Variants in SPOUT1 observed in about 807,000 individuals in gnomAD.
The protein encoded by SPOUT1 is SPOUT domain containing methyltransferase 1.
In SPOUT1, 40 loss-of-function variants were observed where a neutral mutation model predicts 54.8. The observed-to-expected ratio is 0.73, with a 90% CI of 0.57 to 0.95. SPOUT1 has a LOEUF of 0.95. SPOUT1 is among the 40% of genes least tolerant of loss of function. The pLI, the probability that SPOUT1 is intolerant of heterozygous loss-of-function variation, is 0.00. For missense variants in SPOUT1, 437 were observed against 499.5 expected, an observed-to-expected ratio of 0.87 and a Z score of 1.19; for synonymous variants, 193 against 200.3, an observed-to-expected ratio of 0.96 and a Z score of 0.31.
rs938126509 is a variant in SPOUT1, at chr9:128,820,296, A to C, written c.*2469T>G. 4.4e-5 allele frequency: 7 copies of C among 158,190 alleles called. No homozygotes were observed. Among genetic ancestry groups the C allele is most frequent in the Admixed American group, 4.3e-4 (7 of 16,164 alleles). 9.8% of individuals were successfully genotyped at this position (158,190 alleles called of 1,614,324 possible). A position where few individuals can be genotyped will look rare whatever the true frequency, so the allele number is the denominator to read the frequency against. On this transcript the variant is annotated 3_prime_UTR_variant, in exon 12 of 12. Transcript: ENST00000361256. ...CTTCTGGGAAGACAGCCCCCTATCCACTTTCCATTGTCCCAGGCCTGGAGA... is the reference window on the plus strand; with the variant it reads ...CTTCTGGGAAGACAGCCCCCTATCCCCTTTCCATTGTCCCAGGCCTGGAGA...
In SPOUT1 at chr9:128,829,147, G is replaced by A. The variant is rs754536013; in HGVS notation, c.45C>T (p.His15=). 3 of 1,613,686 alleles carry A rather than the reference G, an allele frequency of 1.9e-6. No individual in the cohort carries two copies. Among genetic ancestry groups the A allele is most frequent in the Non-Finnish European group, 2.5e-6 (3 of 1,179,680 alleles). The change falls in exon 2 of 12, where the codon CAC becomes CAT. Residue 15 remains histidine, a synonymous_variant. Coordinates refer to ENST00000361256, the MANE Select transcript of SPOUT1 (RefSeq NM_016390.4). ...GRKRPCGPGE[H]GQRIEWRKWK... is the part of the protein sequence containing the mutation. ...ATTTTCGCCACTCAATCCTTTGGCC[G>A]TGTTCACCCTGGAGAAGGAGTGGTA...
chr9:128,821,148 T>G lies in SPOUT1; in HGVS notation c.*1617A>C, dbSNP rs1830105561. On this transcript the variant is annotated 3_prime_UTR_variant, in exon 12 of 12. Transcript: ENST00000361256. ...TGCCCACCCAATCTTGTTCTGCCAA[T>G]ATGGAACCCCCCGCAGGTCTGCAGT... The G allele has an allele frequency of 2.3e-6, 1 of 430,620 alleles. No individual in the cohort carries two copies. Among genetic ancestry groups the G allele is most frequent in the Non-Finnish European group, 4.3e-6 (1 of 232,512 alleles). The allele number at this position is 430,620 out of a possible 1,614,324, so 26.7% of individuals were successfully genotyped here.
Position 128,822,334 on chromosome 9 carries a change from G to A in SPOUT1, c.*431C>T, listed in dbSNP as rs1830136163. On this transcript the variant is annotated 3_prime_UTR_variant, in exon 12 of 12. Transcript: ENST00000361256. ...TGCCTGGGTCTGCCCACAGGACAGA[G>A]GCTGATGGGAAATCCTACGTAAAGT... The A allele has an allele frequency of 6.2e-7, 1 of 1,613,364 alleles. No individual in the cohort carries two copies.
chr9:128,829,012 AGGACCC>A (rs1261392435), intron 2 of SPOUT1, 92 bp downstream of exon 2: 1 of 1,495,216 alleles, frequency 6.7e-7, no homozygotes, highest in Non-Finnish European at 9.3e-7. Context: ...TGTGTGCTGC[AGGACCC>A]AGAGGGAACA....
In SPOUT1 at chr9:128,820,939, G is replaced by A. The variant is rs1227108045; in HGVS notation, c.*1826C>T. 6.9e-5 allele frequency: 79 copies of A among 1,145,752 alleles called. 1 individual carries two copies. The Admixed American group carries it at 1.3e-3, about 19-fold the overall frequency. The allele number at this position is 1,145,752 out of a possible 1,614,324, so 71.0% of individuals were successfully genotyped here. A position where few individuals can be genotyped will look rare whatever the true frequency, so the allele number is the denominator to read the frequency against. On this transcript the variant is annotated 3_prime_UTR_variant, in exon 12 of 12. Coordinates refer to ENST00000361256, the MANE Select transcript of SPOUT1 (RefSeq NM_016390.4). ...GGGCCAGGCTTGCCCCAGGCTCTGG[G>A]TCAATACCAGTTCCCTACTCATCTG... is the stretch of plus-strand genomic sequence containing the variant.
chr9:128,825,943 T>C, intron 7 of SPOUT1, 79 bp downstream of exon 7: 2 of 1,591,618 alleles, frequency 1.3e-6, no homozygotes, highest in African/African-American at 2.7e-5. Flanking sequence ...TCCAGGGCTC[T>C]CCGCAACATC....
At chr9:128,823,139 G>A (rs1388811806) in intron 11 of SPOUT1, among the ~76,000 whole-genome samples, 1 of 152,198 alleles carries the variant, frequency 6.6e-6, no homozygotes, top group Non-Finnish European at 1.5e-5. Flanking sequence ...GCAGGGGTTG[G>A]AAGGGTGGCA....
rs970485761 is a variant in SPOUT1, at chr9:128,822,067, C to T, written c.*698G>A. 8 of 534,190 alleles carry T rather than the reference C, an allele frequency of 1.5e-5. No homozygotes were observed. The highest frequency in any genetic ancestry group is 5.7e-5 in the African/African-American group (3 of 52,592). 33.1% of individuals were successfully genotyped at this position (534,190 alleles called of 1,614,324 possible). A position where few individuals can be genotyped will look rare whatever the true frequency, so the allele number is the denominator to read the frequency against. On this transcript the variant is annotated 3_prime_UTR_variant, in exon 12 of 12. Transcript: ENST00000361256. ...GACGAATGTGAATATTCAGAAGGCT[C>T]GATTCTCCTAGCAGCGTTTATTGTC... is the stretch of plus-strand genomic sequence containing the variant.
At chr9:128,829,659 G>A (rs1830313711) in intron 1 of SPOUT1, 86 bp downstream of exon 1, 4 of 1,070,506 alleles carry the variant, frequency 3.7e-6, no homozygotes, top group Admixed American at 4.5e-5. Context: ...AGGAGGCGCG[G>A]CCCGGCCCCG....
At position 128,826,343 on chromosome 9, in the gene SPOUT1, T is replaced by C. The variant is rs370268736; in HGVS notation, c.508+41A>G. 333 of 1,608,196 alleles carry C rather than the reference T, an allele frequency of 2.1e-4. No homozygotes were observed. The African/African-American group carries it at 3.5e-3, about 17-fold the overall frequency. On this transcript the variant is annotated intron_variant, in intron 6 of 11. Coordinates refer to ENST00000361256, the MANE Select transcript of SPOUT1 (RefSeq NM_016390.4). This position sits in a 1 kb window ranked among gnomAD's most constrained non-coding sequence, Gnocchi z 5.5. ...CTGGGTGGTCTCAGTGTCTGTGGCATGATCCAGGGGAAATGGGGGGGCGGG... is the reference window on the plus strand; with the variant it reads ...CTGGGTGGTCTCAGTGTCTGTGGCACGATCCAGGGGAAATGGGGGGGCGGG...
chr9:128,824,013 C>A, intron 10 of SPOUT1, 59 bp downstream of exon 10: 1 of 1,579,918 alleles, frequency 6.3e-7, no homozygotes, highest in Non-Finnish European at 8.7e-7. Flanking sequence ...GCTTCACCCA[C>A]CAGGCAGGTT....
chr9:128,820,495 C>G lies in SPOUT1; in HGVS notation c.*2270G>C, dbSNP rs571633228. 5.9e-6 allele frequency: 3 copies of G among 509,100 alleles called. No homozygotes were observed. The highest frequency in any genetic ancestry group is 3.8e-5 in the African/African-American group (2 of 52,106). The allele number at this position is 509,100 out of a possible 1,614,324, so 31.5% of individuals were successfully genotyped here. On this transcript the variant is annotated 3_prime_UTR_variant, in exon 12 of 12. Coordinates refer to ENST00000361256, the MANE Select transcript of SPOUT1 (RefSeq NM_016390.4). ...GGTGGAGACAGGCTCTTCCTTCATTCGACTCTTGGGAGCTGAGAAAAGACT... is the reference window on the plus strand; with the variant it reads ...GGTGGAGACAGGCTCTTCCTTCATTGGACTCTTGGGAGCTGAGAAAAGACT...
Position 128,826,168 on chromosome 9 carries a change from C to T in SPOUT1, c.509-16G>A, listed in dbSNP as rs373283081. The stretch of plus-strand genomic sequence containing the variant: ...TTCAGGAGCCCTGTGGAGGCAGAGC[C>T]GGGAAGAGTCTGGGAAGTGCTAGGG... On this transcript the variant is annotated splice_polypyrimidine_tract_variant and intron_variant, in intron 6 of 11. Transcript: ENST00000361256. This position sits in a 1 kb window ranked among gnomAD's most constrained non-coding sequence, Gnocchi z 5.5. 1,268 of 1,593,858 alleles carry T rather than the reference C, an allele frequency of 8.0e-4. 1 individual carries two copies. Among genetic ancestry groups the T allele is most frequent in the Non-Finnish European group, 9.2e-4 (1,075 of 1,169,780 alleles).
chr9:128,826,474 C>A lies in SPOUT1; in HGVS notation c.459-41G>T. ...GACCTCAGGATGTTCCCAGGGGAAGCCGCCTCCTACCTGGTCTCCACTTTG... is the reference window on the plus strand; with the variant it reads ...GACCTCAGGATGTTCCCAGGGGAAGACGCCTCCTACCTGGTCTCCACTTTG... On this transcript the variant is annotated intron_variant, in intron 5 of 11. Transcript: ENST00000361256. The surrounding 1 kb of genome is among the most constrained non-coding windows in gnomAD (Gnocchi z 5.5). 4 of 1,611,154 alleles carry A rather than the reference C, an allele frequency of 2.5e-6. No individual in the cohort carries two copies. The highest frequency in any genetic ancestry group is 2.5e-6 in the Non-Finnish European group (3 of 1,177,432).
In SPOUT1 at chr9:128,826,245, C is replaced by G; in HGVS notation, c.509-93G>C. ...AGCGGAGTACCGGCTCTGCCACAGA[C>G]CTGCGTCTTGGCATCAGACACAGGT... On this transcript the variant is annotated intron_variant, in intron 6 of 11. Transcript: ENST00000361256. This position sits in a 1 kb window ranked among gnomAD's most constrained non-coding sequence, Gnocchi z 5.5. 1 of 1,554,394 alleles carries G rather than the reference C, an allele frequency of 6.4e-7. No homozygotes were observed. The highest frequency in any genetic ancestry group is 1.7e-5 in the Admixed American group (1 of 58,424).
At position 128,820,737 on chromosome 9, in the gene SPOUT1, A is replaced by T. The variant is rs1830094974; in HGVS notation, c.*2028T>A. 1 of 1,607,318 alleles carries T rather than the reference A, an allele frequency of 6.2e-7. No individual in the cohort carries two copies. The highest frequency in any genetic ancestry group is 1.1e-5 in the South Asian group (1 of 89,792). ...CCTGCTAAGCCCTATCTCTCCTACC[A>T]GGTGCCCCACCTCAACCAGAATGCC... On this transcript the variant is annotated 3_prime_UTR_variant, in exon 12 of 12. Coordinates refer to ENST00000361256, the MANE Select transcript of SPOUT1 (RefSeq NM_016390.4).
chr9:128,826,697 C>G lies in SPOUT1; in HGVS notation c.369-68G>C. On this transcript the variant is annotated intron_variant, in intron 4 of 11. Transcript: ENST00000361256. This position sits in a 1 kb window ranked among gnomAD's most constrained non-coding sequence, Gnocchi z 5.5. ...CTTCAAGAGCTCCTGTCTACAAGTG[C>G]ACGCGTATAATCCCAGCTACTCAGG... The G allele has an allele frequency of 8.8e-7, 1 of 1,140,322 alleles. No individual in the cohort carries two copies. The highest frequency in any genetic ancestry group is 1.3e-6 in the Non-Finnish European group (1 of 796,314). 70.6% of individuals were successfully genotyped at this position (1,140,322 alleles called of 1,614,324 possible).
At chr9:128,827,808 G>A (rs1292055241) in intron 3 of SPOUT1, among the ~76,000 whole-genome samples, 1 of 152,228 alleles carries the variant, frequency 6.6e-6, no homozygotes, top group Non-Finnish European at 1.5e-5. Context: ...TGTAATCCCA[G>A]CTACTCCGGA....
chr9:128,820,864 G>C lies in SPOUT1; in HGVS notation c.*1901C>G, dbSNP rs763369147. On this transcript the variant is annotated 3_prime_UTR_variant, in exon 12 of 12. Coordinates refer to ENST00000361256, the MANE Select transcript of SPOUT1 (RefSeq NM_016390.4). ...TCCTGCCCAGGTAAGGTGGAAACCA[G>C]GGGGGCGGCAGAACCTCCCACTCAC... 1.3e-6 allele frequency: 2 copies of C among 1,592,572 alleles called. No individual in the cohort carries two copies. Among genetic ancestry groups the C allele is most frequent in the East Asian group, 2.3e-5 (1 of 44,322 alleles).
Sources: allele counts gnomAD v4.1 joint callset (sites outside exome capture counted in the v4.1 genomes callset), GRCh38; gene constraint gnomAD v4.1.1; non-coding constraint Gnocchi (gnomAD v3.1); transcripts MANE v1.5; gene names NCBI Gene and HGNC (gene_info 2026-07-23, HGNC 2026-07-21).